Variants in CELF4 observed in about 807,000 individuals in gnomAD.
The protein encoded by CELF4 is CUGBP Elav-like family member 4.
A neutral mutation model predicts 59.9 loss-of-function variants in CELF4; 18 were observed. The observed-to-expected ratio is 0.30, with a 90% CI of 0.21 to 0.45. CELF4 has a LOEUF of 0.45. CELF4 is among the 20% of genes least tolerant of loss of function. The probability of loss-of-function intolerance (pLI) is 1.00; values close to 1 mark genes in which losing one functional copy is unlikely to be tolerated. For synonymous variants in CELF4, 261 were observed against 267.1 expected (o/e 0.98, Z 0.22); for missense variants, 456 against 689.0 (o/e 0.66, Z 3.79).
At chr18:37,518,245 C>T (rs2099953147) in intron 1 of CELF4, among the ~76,000 whole-genome samples, 2 of 152,064 alleles carry the variant, frequency 1.3e-5, no homozygotes, top group Admixed American at 6.5e-5. Context: ...GTAATATTAC[C>T]CCTAAGATAA....
intron 7 of CELF4, 121 bp from the exon 8 acceptor site, chr18:37,271,038 T>C: frequency 1.3e-6 from 1 of 796,452 alleles, no homozygotes; most frequent in Non-Finnish European, 1.9e-6. Context: ...GACTTGGACC[T>C]CACATACCAG....
intron 2 of CELF4, among the ~76,000 whole-genome samples, chr18:37,353,484 T>C (rs533622591): frequency 6.6e-6 from 1 of 150,860 alleles, no homozygotes; most frequent in South Asian, 2.1e-4. Context: ...AATTGGAACA[T>C]CCTGCAAAGG....
intron 2 of CELF4, among the ~76,000 whole-genome samples, chr18:37,420,462 C>T (rs893789565): frequency 4.6e-5 from 7 of 152,142 alleles, no homozygotes; most frequent in Non-Finnish European, 7.3e-5. Context: ...GGAGGTGGGA[C>T]TTGAACTGGG....
chr18:37,335,861 T>C (rs1402086996), intron 2 of CELF4, among the ~76,000 whole-genome samples: 1 of 152,072 alleles, frequency 6.6e-6, no homozygotes, highest in African/African-American at 2.4e-5. Context: ...GACTGGTCAT[T>C]CTCCCTGGCA....
chr18:37,414,973 A>T (rs992038988), intron 2 of CELF4, among the ~76,000 whole-genome samples: 1 of 152,170 alleles, frequency 6.6e-6, no homozygotes, highest in Non-Finnish European at 1.5e-5. Flanking sequence ...ATTGTACTCA[A>T]AGATGTAGAA....
At chr18:37,358,764 C>T (rs754167258) in intron 2 of CELF4, among the ~76,000 whole-genome samples, 146 of 152,286 alleles carry the variant, frequency 9.6e-4, no homozygotes, top group Middle Eastern at 6.8e-3. Context: ...CACAGTGTGC[C>T]GAACTTGTTC....
chr18:37,338,758 C>CTG (rs2097870788), intron 2 of CELF4, among the ~76,000 whole-genome samples: 1 of 37,976 alleles, frequency 2.6e-5, no homozygotes, highest in African/African-American at 8.0e-5. Flanking sequence ...AATGCAGGAG[C>CTG]CGTGTGTGTG....
At chr18:37,346,161 T>G (rs1194430056) in intron 2 of CELF4, among the ~76,000 whole-genome samples, 1 of 152,198 alleles carries the variant, frequency 6.6e-6, no homozygotes, top group Non-Finnish European at 1.5e-5. Flanking sequence ...GGGCTCCCTA[T>G]GTCAAGAACA....
chr18:37,418,489 C>T (rs993982746), intron 2 of CELF4, among the ~76,000 whole-genome samples: 1 of 152,178 alleles, frequency 6.6e-6, no homozygotes, highest in Non-Finnish European at 1.5e-5. Context: ...CCTGCTGCCT[C>T]AACCTTTCAA....
chr18:37,564,809 A>G (rs573497355), intron 1 of CELF4, among the ~76,000 whole-genome samples: 1 of 152,062 alleles, frequency 6.6e-6, no homozygotes. Flanking sequence ...CTCGACAGGG[A>G]GAGTTTACTG....
intron 2 of CELF4, among the ~76,000 whole-genome samples, chr18:37,348,565 A>G (rs1284368583): frequency 2.0e-5 from 3 of 152,094 alleles, no homozygotes; most frequent in African/African-American, 7.2e-5. Flanking sequence ...TTTGGAGAGC[A>G]AGGGACAGGA....
At chr18:37,478,213 C>T (rs1421679127) in intron 2 of CELF4, among the ~76,000 whole-genome samples, 1 of 152,130 alleles carries the variant, frequency 6.6e-6, no homozygotes, top group Non-Finnish European at 1.5e-5. Context: ...GGCGATCTGG[C>T]CCACCGCCTC....
intron 2 of CELF4, among the ~76,000 whole-genome samples, chr18:37,379,939 C>T (rs1479484494): frequency 6.6e-6 from 1 of 152,144 alleles, no homozygotes; most frequent in Admixed American, 6.5e-5. Context: ...CTCCGGGGTT[C>T]CTCACCCTTA....
intron 3 of CELF4, among the ~76,000 whole-genome samples, chr18:37,303,381 G>A (rs1228779318): frequency 6.6e-6 from 1 of 152,158 alleles, no homozygotes; most frequent in East Asian, 1.9e-4. Context: ...AAGGAAAACA[G>A]TCGTTGAAAT....
chr18:37,426,768 C>T (rs888119444), intron 2 of CELF4, among the ~76,000 whole-genome samples: 2 of 152,118 alleles, frequency 1.3e-5, no homozygotes, highest in Admixed American at 6.5e-5. Context: ...CATGTTGCGT[C>T]GCCGCTGCCA....
chr18:37,274,923 A>AGGGCCAGGGAG (rs780938837), intron 4 of CELF4, 39 bp from the exon 5 acceptor site: 209 of 1,593,262 alleles, frequency 1.3e-4, no homozygotes, highest in Non-Finnish European at 1.7e-4. Context: ...ACCCAGAAGC[A>AGGGCCAGGGAG]GGGCCAGGGA....
intron 3 of CELF4, among the ~76,000 whole-genome samples, chr18:37,318,675 G>A (rs1165641771): frequency 6.8e-6 from 1 of 148,050 alleles, no homozygotes; most frequent in Non-Finnish European, 1.5e-5. Flanking sequence ...AAAGAGCTGA[G>A]TAATCTGGTT....
At chr18:37,515,339 C>G (rs117506818) in intron 1 of CELF4, among the ~76,000 whole-genome samples, 12 of 152,310 alleles carry the variant, frequency 7.9e-5, no homozygotes, top group Non-Finnish European at 1.3e-4. Flanking sequence ...CCTGGCTGCT[C>G]TGCAGTGTTG....
chr18:37,438,353 C>G (rs2099700230), intron 2 of CELF4, among the ~76,000 whole-genome samples: 1 of 152,124 alleles, frequency 6.6e-6, no homozygotes, highest in Non-Finnish European at 1.5e-5. Flanking sequence ...GGGCAAGGGG[C>G]TTGGCAAGGC....
Sources: gnomAD v4.1 joint callset for allele counts (sites outside exome capture counted in the v4.1 genomes callset) on GRCh38, gnomAD v4.1.1 for gene constraint, MANE v1.5 for transcripts, NCBI Gene and HGNC (gene_info 2026-07-23, HGNC 2026-07-21) for gene names.